LARGE1: variants seen among roughly 807,000 people sequenced by gnomAD.
LARGE1 encodes the protein xylosyl- and glucuronyltransferase LARGE1.
A neutral mutation model predicts 87.6 loss-of-function variants in LARGE1; 43 were observed. That is an observed-to-expected ratio of 0.49 (90% confidence interval 0.38 to 0.63). LARGE1 has a LOEUF of 0.63. Among genes scored for constraint, LARGE1 ranks in the 30% least tolerant of loss-of-function variants. The pLI is 0.00. For missense variants in LARGE1, 802 were observed against 1,000.2 expected (o/e 0.80, Z 2.67); for synonymous variants, 434 against 394.6 (o/e 1.10, Z -1.18).
At chr22:33,069,909 C>A in the LARGE1 span, among the ~76,000 whole-genome samples, 1 of 150,770 alleles carries the variant, frequency 6.6e-6, no homozygotes, top group African/African-American at 2.4e-5. Flanking sequence ...ACTGCAACCT[C>A]CACCTCCCAG....
chr22:33,764,855 C>CA (rs887052101), intron 1 of LARGE1, among the ~76,000 whole-genome samples: 12 of 152,154 alleles, frequency 7.9e-5, no homozygotes, highest in African/African-American at 2.7e-4. Flanking sequence ...TAGAGAACGA[C>CA]AAAAAAGTCT....
chr22:33,712,724 A>G (rs1352358685), intron 2 of LARGE1, among the ~76,000 whole-genome samples: 1 of 151,508 alleles, frequency 6.6e-6, no homozygotes, highest in Non-Finnish European at 1.5e-5. Flanking sequence ...GCCAGCAAGA[A>G]AAGCCACTAA....
chr22:33,766,820 G>A (rs953442944), intron 1 of LARGE1, among the ~76,000 whole-genome samples: 4 of 150,974 alleles, frequency 2.6e-5, no homozygotes, highest in Admixed American at 6.6e-5. Context: ...TTTTATATAC[G>A]TGTACAAATA....
intron 1 of LARGE1, among the ~76,000 whole-genome samples, chr22:33,905,622 G>C (rs184078844): frequency 2.0e-3 from 306 of 152,312 alleles, no homozygotes; most frequent in Non-Finnish European, 3.3e-3. Flanking sequence ...TCTCACATGA[G>C]AAAGGGGCTT....
At chr22:33,360,835 A>G (rs2064362231) in intron 9 of LARGE1, among the ~76,000 whole-genome samples, 2 of 149,898 alleles carry the variant, frequency 1.3e-5, no homozygotes, top group Admixed American at 1.3e-4. Flanking sequence ...TGTCCAGCCC[A>G]CTGCCACTGG....
intron 3 of LARGE1, among the ~76,000 whole-genome samples, chr22:33,632,483 G>C (rs1459050426): frequency 6.6e-6 from 1 of 152,112 alleles, no homozygotes; most frequent in Non-Finnish European, 1.5e-5. Flanking sequence ...TTTGGGTTGA[G>C]TTTGGTCATT....
At chr22:33,243,694 C>T (rs1431844979) in intron 11 of LARGE1, among the ~76,000 whole-genome samples, 1 of 152,176 alleles carries the variant, frequency 6.6e-6, no homozygotes, top group Non-Finnish European at 1.5e-5. Context: ...CCTGAACAGG[C>T]CTTCTATGAG....
intron 6 of LARGE1, among the ~76,000 whole-genome samples, chr22:33,537,906 G>C (rs1198740835): frequency 6.6e-6 from 1 of 152,168 alleles, no homozygotes; most frequent in Non-Finnish European, 1.5e-5. Flanking sequence ...TCTAGTGCAT[G>C]GATTAGGCTG....
intron 1 of LARGE1, among the ~76,000 whole-genome samples, chr22:33,804,551 C>G (rs961295726): frequency 6.6e-6 from 1 of 152,230 alleles, no homozygotes; most frequent in African/African-American, 2.4e-5. Context: ...GTAAAACACA[C>G]ACTTACCAGG....
chr22:33,582,843 AAGAAG>A (rs1451029479), intron 5 of LARGE1, among the ~76,000 whole-genome samples: 2 of 152,224 alleles, frequency 1.3e-5, no homozygotes, highest in Non-Finnish European at 2.9e-5. Context: ...CTTGTACAAA[AAGAAG>A]AGGAGAGTGA....
intron 6 of LARGE1, among the ~76,000 whole-genome samples, chr22:33,453,127 T>C (rs867705861): frequency 2.6e-5 from 4 of 152,230 alleles, no homozygotes; most frequent in African/African-American, 9.6e-5. Context: ...TGAAAGGTTG[T>C]TGTTTCAGGC....
At chr22:33,676,583 C>T (rs1054075904) in intron 2 of LARGE1, among the ~76,000 whole-genome samples, 1 of 149,740 alleles carries the variant, frequency 6.7e-6, no homozygotes, top group African/African-American at 2.5e-5. Flanking sequence ...AAGAAAAACA[C>T]CACCAACAAA....
intron 1 of LARGE1, among the ~76,000 whole-genome samples, chr22:33,854,887 T>C (rs1477577409): frequency 2.0e-5 from 3 of 152,158 alleles, no homozygotes; most frequent in Non-Finnish European, 4.4e-5. Context: ...TGGGGTGCCA[T>C]GTTGCATCAA....
intron 9 of LARGE1, among the ~76,000 whole-genome samples, chr22:33,361,499 T>C (rs1302347303): frequency 6.7e-6 from 1 of 149,722 alleles, no homozygotes; most frequent in Admixed American, 6.6e-5. Flanking sequence ...TTGCACTTAC[T>C]CCCTGCTCTG....
chr22:33,413,915 C>T (rs1373923263), intron 7 of LARGE1, among the ~76,000 whole-genome samples: 1 of 152,138 alleles, frequency 6.6e-6, no homozygotes, highest in African/African-American at 2.4e-5. Flanking sequence ...CATGAATACA[C>T]CACATTTTCT....
Position 33,172,468 on chromosome 22 carries a change from TC to T in LARGE1, c.1731-5637del, listed in dbSNP as rs1174399304. ...CCTGCTCACTCTCTCTCTCTCTCTC[TC>T]TACTGCTGCCTTGTGAAGAAGGTAC... On this transcript the variant is annotated intron_variant, in intron 11 of 11. Transcript: ENST00000608642. 7.2e-4 allele frequency among the ~76,000 whole-genome samples: 109 copies of T among 152,250 alleles called. 1 individual carries two copies. Among genetic ancestry groups the T allele is most frequent in the African/African-American group, 2.5e-3 (103 of 41,554 alleles).
chr22:33,291,549 G>C (rs2145986571), intron 12 of LARGE1, among the ~76,000 whole-genome samples: 1 of 151,610 alleles, frequency 6.6e-6, no homozygotes, highest in Middle Eastern at 3.4e-3. Flanking sequence ...CTTATGGGAG[G>C]TGTTTAGGTC....
chr22:33,791,283 A>AC (rs1485262295), intron 1 of LARGE1, among the ~76,000 whole-genome samples: 20 of 152,226 alleles, frequency 1.3e-4, no homozygotes, highest in Admixed American at 1.2e-3. Flanking sequence ...GGCCAAAAAA[A>AC]TTAAAAAAGA....
chr22:33,506,614 G>A (rs887078225), intron 6 of LARGE1, among the ~76,000 whole-genome samples: 1 of 152,162 alleles, frequency 6.6e-6, no homozygotes, highest in African/African-American at 2.4e-5. Context: ...AAACTCAGGA[G>A]AACTGGCCTG....
Sources: gnomAD v4.1 joint callset for allele counts (sites outside exome capture counted in the v4.1 genomes callset) on GRCh38, gnomAD v4.1.1 for gene constraint, MANE v1.5 for transcripts, NCBI Gene and HGNC (gene_info 2026-07-23, HGNC 2026-07-21) for gene names.